Variants in CADM2 observed in about 807,000 individuals in gnomAD.
CADM2 encodes the protein immunoglobulin superfamily member 4D.
Under a neutral mutation model 49.8 loss-of-function variants are expected in CADM2, and 12 were observed. The observed-to-expected ratio is 0.24, with a 90% CI of 0.15 to 0.39. The LOEUF (loss-of-function observed/expected upper bound fraction) is 0.39, where lower values mean the gene tolerates loss of function less well. Among genes scored for constraint, CADM2 ranks in the 10% least tolerant of loss-of-function variants. The pLI, the probability that CADM2 is intolerant of heterozygous loss-of-function variation, is 1.00. For missense variants in CADM2, 378 were observed against 492.3 expected, an observed-to-expected ratio of 0.77 and a Z score of 2.20; for synonymous variants, 214 against 175.4, an observed-to-expected ratio of 1.22 and a Z score of -1.74.
At chr3:85,872,954 CCA>C (rs974939880) in intron 3 of CADM2, among the ~76,000 whole-genome samples, 5 of 152,048 alleles carry the variant, frequency 3.3e-5, no homozygotes, top group African/African-American at 9.7e-5. Context: ...TAACAAAATA[CCA>C]CAGACTGGGT....
intron 1 of CADM2, among the ~76,000 whole-genome samples, chr3:85,383,976 T>A (rs141866895): frequency 6.6e-6 from 1 of 152,214 alleles, no homozygotes; most frequent in African/African-American, 2.4e-5. Context: ...TATCTCATGA[T>A]CATGTTGTAC....
At chr3:85,327,357 G>T (rs897998589) in intron 1 of CADM2, among the ~76,000 whole-genome samples, 1 of 152,032 alleles carries the variant, frequency 6.6e-6, no homozygotes, top group Admixed American at 6.6e-5. Context: ...CCGAGTTCAA[G>T]TAATTCTCAT....
At chr3:85,783,232 T>C (rs957108885) in intron 2 of CADM2, among the ~76,000 whole-genome samples, 6 of 152,216 alleles carry the variant, frequency 3.9e-5, no homozygotes, top group African/African-American at 1.2e-4. Flanking sequence ...AAAACTCTTA[T>C]GTAAGAACAG....
At chr3:85,386,183 T>C (rs933572267) in intron 1 of CADM2, among the ~76,000 whole-genome samples, 1 of 152,174 alleles carries the variant, frequency 6.6e-6, no homozygotes, top group African/African-American at 2.4e-5. Flanking sequence ...ATTTCATACC[T>C]GTGTATAAAT....
chr3:85,131,706 G>A (rs1483635757), intron 1 of CADM2, among the ~76,000 whole-genome samples: 2 of 152,064 alleles, frequency 1.3e-5, no homozygotes, highest in African/African-American at 4.8e-5. Flanking sequence ...TTTGAAAAGT[G>A]ACTATTCCTT....
chr3:85,420,393 C>T (rs1472730197), intron 1 of CADM2, among the ~76,000 whole-genome samples: 22 of 152,080 alleles, frequency 1.4e-4, no homozygotes, highest in Admixed American at 1.3e-3. Context: ...GAAAAGAATG[C>T]ATGAGAAAAT....
chr3:85,975,778 C>T (rs1194334966), intron 8 of CADM2, among the ~76,000 whole-genome samples: 4 of 151,458 alleles, frequency 2.6e-5, no homozygotes, highest in East Asian at 1.9e-4. Context: ...TCATCTTTTG[C>T]AATGTTGAAT....
chr3:85,403,588 G>C (rs1295779901), intron 1 of CADM2, among the ~76,000 whole-genome samples: 1 of 152,098 alleles, frequency 6.6e-6, no homozygotes, highest in Non-Finnish European at 1.5e-5. Flanking sequence ...TAATAAGGCA[G>C]ATCTGGTCTT....
intron 1 of CADM2, among the ~76,000 whole-genome samples, chr3:84,968,973 G>C (rs552081566): frequency 6.6e-6 from 1 of 152,012 alleles, no homozygotes; most frequent in Admixed American, 6.6e-5. Flanking sequence ...AGTATAGAGA[G>C]ACGCTGAACT....
At chr3:85,752,444 C>G (rs72914842) in intron 2 of CADM2, among the ~76,000 whole-genome samples, 21,582 of 148,360 alleles carry the variant, frequency 0.15, 1,744 homozygotes, top group African/African-American at 0.22. Flanking sequence ...TCTTCTCTCC[C>G]TTCTCCTTAT....
At chr3:85,905,280 AAGTT>A (rs1559733330) in intron 5 of CADM2, among the ~76,000 whole-genome samples, 3 of 152,258 alleles carry the variant, frequency 2.0e-5, no homozygotes, top group African/African-American at 4.8e-5. Context: ...TAAAAGAAAA[AAGTT>A]AGTCTGTCTA....
chr3:85,945,431 G>A (rs544829471), intron 7 of CADM2, among the ~76,000 whole-genome samples: 39 of 152,166 alleles, frequency 2.6e-4, no homozygotes, highest in Admixed American at 2.3e-3. Flanking sequence ...CGTTTTATGA[G>A]GCCAGCATCA....
intron 1 of CADM2, among the ~76,000 whole-genome samples, chr3:85,612,436 T>C (rs796107193): frequency 9.2e-5 from 14 of 151,972 alleles, no homozygotes; most frequent in African/African-American, 2.9e-4. Flanking sequence ...TTTTTATATT[T>C]TATTGTTAAA....
chr3:85,189,878 T>C (rs1461515119), intron 1 of CADM2, among the ~76,000 whole-genome samples: 1 of 136,398 alleles, frequency 7.3e-6, no homozygotes. Flanking sequence ...TGTCCGGAGA[T>C]ATTATCAGTA....
At chr3:85,531,197 A>G (rs2061301772) in intron 1 of CADM2, among the ~76,000 whole-genome samples, 1 of 152,076 alleles carries the variant, frequency 6.6e-6, no homozygotes, top group Admixed American at 6.5e-5. Context: ...ATTTTGATTC[A>G]TTTATATTTT....
At chr3:85,827,613 T>C (rs2073980501) in intron 3 of CADM2, among the ~76,000 whole-genome samples, 1 of 151,972 alleles carries the variant, frequency 6.6e-6, no homozygotes, top group African/African-American at 2.4e-5. Flanking sequence ...TTTTATTGTG[T>C]AGGAATCAGA....
intron 1 of CADM2, among the ~76,000 whole-genome samples, chr3:85,677,738 C>T (rs998362409): frequency 5.3e-5 from 8 of 152,088 alleles, no homozygotes; most frequent in Non-Finnish European, 1.2e-4. Context: ...AGAGTTGATG[C>T]TTGCATAACT....
intron 8 of CADM2, chr3:86,012,996 C>A: frequency 2.2e-6 from 2 of 908,464 alleles, no homozygotes; most frequent in South Asian, 2.6e-5. Context: ...AAAACCTGAT[C>A]AGCTAAATAA....
At chr3:85,415,927 T>A (rs150262709) in intron 1 of CADM2, among the ~76,000 whole-genome samples, 114 of 152,212 alleles carry the variant, frequency 7.5e-4, no homozygotes, top group African/African-American at 2.6e-3. Flanking sequence ...GTATAATATA[T>A]TATTTACTGT....
Sources: gnomAD v4.1 joint callset for allele counts (sites outside exome capture counted in the v4.1 genomes callset) on GRCh38, gnomAD v4.1.1 for gene constraint, MANE v1.5 for transcripts, NCBI Gene and HGNC (gene_info 2026-07-23, HGNC 2026-07-21) for gene names.